Variants in FGD5 observed in about 807,000 individuals in gnomAD.
FGD5 encodes FYVE, RhoGEF and PH domain-containing protein 5.
Under a neutral mutation model 133.4 loss-of-function variants are expected in FGD5, and 28 were observed. The observed-to-expected ratio is 0.21, with a 90% CI of 0.16 to 0.29. The LOEUF is 0.29. FGD5 is among the 10% of genes least tolerant of loss of function. The pLI, the probability that FGD5 is intolerant of heterozygous loss-of-function variation, is 1.00. For missense variants in FGD5, 1,858 were observed against 1,895.2 expected, an observed-to-expected ratio of 0.98 and a Z score of 0.36; for synonymous variants, 810 against 776.5, an observed-to-expected ratio of 1.04 and a Z score of -0.72.
At chr3:14,818,009 G>C (rs910939784), upstream of FGD5, among the ~76,000 whole-genome samples, 1 of 152,136 alleles carries the variant, frequency 6.6e-6, no homozygotes, top group Non-Finnish European at 1.5e-5. Context: ...CCCTTCTCTA[G>C]ATCCTTCTTA....
rs1183727653 is a variant in FGD5 at position 14,887,029 on chromosome 3, T to A, written c.2748+6257T>A. ...CCTCTGCTCTTGTTGAGTGGGGTGT[T>A]CTGTGGATGCTGCATAGGTCGAGCT... On this transcript the variant is annotated intron_variant, in intron 4 of 19. Transcript: ENST00000285046. Among the ~76,000 whole-genome samples, 3 of 152,214 alleles carry A rather than the reference T, an allele frequency of 2.0e-5. No homozygotes were observed. In the East Asian group the frequency reaches 5.8e-4, roughly 29 times the overall value.
intron 1 of FGD5, among the ~76,000 whole-genome samples, chr3:14,861,838 C>T (rs2037403405): frequency 6.6e-6 from 1 of 152,186 alleles, no homozygotes. Context: ...GGCCAAATCC[C>T]AGCAGCCCTG....
chr3:14,909,579 G>GT (rs1302462697), intron 10 of FGD5, among the ~76,000 whole-genome samples: 1 of 152,140 alleles, frequency 6.6e-6, no homozygotes, highest in East Asian at 1.9e-4. Context: ...ACTGTGATGG[G>GT]TCACCACAGT....
Position 14,917,289 on chromosome 3 carries a change from G to A in FGD5, c.3446G>A (p.Gly1149Glu). ...VLLYTYPQKD[G>E]KYRLKNTLAV... ...CTGTACACCTATCCCCAGAAGGATG[G>A]GAAGTACCGGCTGAAGAACACATTG... The change falls in exon 12 of 20, where the codon GGG (glycine) becomes GAG (glutamate). Residue 1149 changes from glycine to glutamate, a missense_variant. Physicochemically the swap from Gly to Glu is moderately conservative, Grantham distance 98. Around this residue, in one of 3 missense-constraint regions of FGD5, gnomAD observed 1,824 missense variants for 1,848.9 expected, o/e 0.99. Coordinates refer to ENST00000285046, the MANE Select transcript of FGD5 (RefSeq NM_152536.4). The surrounding 1 kb of genome is among the most constrained non-coding windows in gnomAD (Gnocchi z 4.1). 1 of 1,613,766 alleles carries A rather than the reference G, an allele frequency of 6.2e-7. No individual in the cohort carries two copies. Among genetic ancestry groups the A allele is most frequent in the Non-Finnish European group, 8.5e-7 (1 of 1,179,828 alleles).
intron 11 of FGD5, among the ~76,000 whole-genome samples, chr3:14,913,890 C>T (rs1429508520): frequency 1.3e-5 from 2 of 152,150 alleles, no homozygotes; most frequent in African/African-American, 4.8e-5. Context: ...AGCCACCACC[C>T]CCGTTTCCCC....
Position 14,893,752 on chromosome 3 carries a change from C to CTTTTT in FGD5, c.2749-3741_2749-3737dup, listed in dbSNP as rs138741627. ...TTTCTTTTTCTTTCTTTTCTTTTTTCTTTTTTTTTTTTTTTTTTTTGAGAC... is the reference window on the plus strand; with the variant it reads ...TTTCTTTTTCTTTCTTTTCTTTTTTCTTTTTTTTTTTTTTTTTTTTTTTTTGAGAC... On this transcript the variant is annotated intron_variant, in intron 4 of 19. Coordinates refer to ENST00000285046, the MANE Select transcript of FGD5 (RefSeq NM_152536.4). Among the ~76,000 whole-genome samples, 95 of 95,030 alleles carry CTTTTT rather than the reference C, an allele frequency of 1.0e-3. 1 individual carries two copies. The highest frequency in any genetic ancestry group is 1.3e-3 in the Non-Finnish European group (71 of 53,324). The allele number at this position is 95,030 out of a possible 152,430, so 62.3% of individuals were successfully genotyped here.
chr3:14,884,660 C>T (rs371398935), intron 4 of FGD5, among the ~76,000 whole-genome samples: 1 of 152,126 alleles, frequency 6.6e-6, no homozygotes, highest in South Asian at 2.1e-4. Flanking sequence ...CGACAGGGCA[C>T]GGTGGTGGGA....
intron 4 of FGD5, among the ~76,000 whole-genome samples, chr3:14,884,942 C>T (rs958487202): frequency 1.3e-5 from 2 of 151,872 alleles, no homozygotes; most frequent in East Asian, 2.0e-4. Context: ...GGTTATCTAC[C>T]GCGACATCTA....
At chr3:14,854,666 C>T (rs968420521) in intron 1 of FGD5, among the ~76,000 whole-genome samples, 1 of 152,104 alleles carries the variant, frequency 6.6e-6, no homozygotes, top group Admixed American at 6.5e-5. Flanking sequence ...TCAATGCTCC[C>T]GCCTCAGCCT....
At chr3:14,902,458 G>T (rs11925504) in intron 9 of FGD5, among the ~76,000 whole-genome samples, 1 of 151,678 alleles carries the variant, frequency 6.6e-6, no homozygotes, top group African/African-American at 2.4e-5. Flanking sequence ...GTGGCTAGGC[G>T]TTGGGGACAG....
intron 17 of FGD5, among the ~76,000 whole-genome samples, chr3:14,925,857 A>G (rs1267538378): frequency 6.6e-6 from 1 of 152,240 alleles, no homozygotes; most frequent in Admixed American, 6.5e-5. Flanking sequence ...AGCATTCCCA[A>G]AGTCAGCTGG....
At chr3:14,901,880 A>G (rs2038246596) in intron 9 of FGD5, among the ~76,000 whole-genome samples, 1 of 152,190 alleles carries the variant, frequency 6.6e-6, no homozygotes, top group South Asian at 2.1e-4. Context: ...ACCTCCGCTT[A>G]GTGGAGTAAC....
At chr3:14,864,401 G>A (rs746361634) in intron 2 of FGD5, 141 bp downstream of exon 2, 13 of 1,329,786 alleles carry the variant, frequency 9.8e-6, no homozygotes, top group Non-Finnish European at 1.1e-5. Context: ...GCTGAGACAC[G>A]CAGCATCAGG....
At chr3:14,813,293 G>A (rs987113330) in intron 1 of FGD5, among the ~76,000 whole-genome samples, 1 of 152,108 alleles carries the variant, frequency 6.6e-6, no homozygotes, top group African/African-American at 2.4e-5. Context: ...GATGGGATGG[G>A]AGCCCAGCCT....
At chr3:14,811,573 C>G (rs2036295419) in intron 1 of FGD5, among the ~76,000 whole-genome samples, 1 of 152,190 alleles carries the variant, frequency 6.6e-6, no homozygotes, top group South Asian at 2.1e-4. Context: ...GTTCCCCCAC[C>G]CCCAGTCCAT....
intron 2 of FGD5, among the ~76,000 whole-genome samples, chr3:14,864,639 G>T (rs921823930): frequency 2.6e-5 from 4 of 152,204 alleles, no homozygotes; most frequent in African/African-American, 7.2e-5. Context: ...AGGGTGAGAT[G>T]TGTTAAAGGC....
intron 18 of FGD5, chr3:14,931,314 T>A (rs999921304): frequency 6.6e-6 from 1 of 152,212 alleles, no homozygotes; most frequent in Non-Finnish European, 1.5e-5. Context: ...GATCTAGCAA[T>A]CCTTGAGAAT....
At chr3:14,860,808 TA>T (rs34317529) in intron 1 of FGD5, among the ~76,000 whole-genome samples, 67 of 148,246 alleles carry the variant, frequency 4.5e-4, no homozygotes, top group Non-Finnish European at 4.0e-4. Context: ...ACCCCTTTTT[TA>T]AAAAAAAAAA....
At chr3:14,889,862 T>G (rs910598222) in intron 4 of FGD5, among the ~76,000 whole-genome samples, 7 of 152,176 alleles carry the variant, frequency 4.6e-5, no homozygotes, top group Admixed American at 3.3e-4. Flanking sequence ...TTTTGCTTTT[T>G]TTTTAAAAAA....
Sources: gnomAD v4.1 joint callset for allele counts (sites outside exome capture counted in the v4.1 genomes callset) on GRCh38, gnomAD v4.1.1 for gene constraint, gnomAD v4.1.1 regional missense constraint, Gnocchi (gnomAD v3.1) non-coding constraint, MANE v1.5 for transcripts, NCBI Gene and HGNC (gene_info 2026-07-23, HGNC 2026-07-21) for gene names.